Variants in NXPH1 observed in about 807,000 individuals in gnomAD.
The protein encoded by NXPH1 is neurexophilin-1.
Under a neutral mutation model 23.7 loss-of-function variants are expected in NXPH1, and 5 were observed. That is an observed-to-expected ratio of 0.21 (90% CI 0.11 to 0.44). NXPH1 has a LOEUF of 0.44. Ranked by LOEUF, NXPH1 falls within the 20% of genes least tolerant of loss-of-function variation. NXPH1 has a pLI of 0.99. For missense variants in NXPH1, 324 were observed against 321.6 expected, an observed-to-expected ratio of 1.01 and a Z score of -0.06; for synonymous variants, 144 against 122.2, an observed-to-expected ratio of 1.18 and a Z score of -1.18.
chr7:8,578,060 G>A (rs1278999858), intron 2 of NXPH1, among the ~76,000 whole-genome samples: 3 of 152,118 alleles, frequency 2.0e-5, no homozygotes, highest in South Asian at 4.1e-4. Flanking sequence ...CCATCAAAAC[G>A]TTGAAAGATA....
intron 2 of NXPH1, among the ~76,000 whole-genome samples, chr7:8,614,489 C>T (rs958067801): frequency 2.2e-4 from 34 of 151,642 alleles, no homozygotes; most frequent in African/African-American, 8.0e-4. Flanking sequence ...ATGCATATGT[C>T]TATAGATATG....
At chr7:8,698,561 G>A (rs1214327526) in intron 2 of NXPH1, among the ~76,000 whole-genome samples, 2 of 152,024 alleles carry the variant, frequency 1.3e-5, no homozygotes, top group Non-Finnish European at 2.9e-5. Flanking sequence ...TAGCATAGTA[G>A]TATCTACGCA....
intron 2 of NXPH1, among the ~76,000 whole-genome samples, chr7:8,605,352 G>A (rs763919750): frequency 1.2e-4 from 19 of 152,132 alleles, no homozygotes; most frequent in Non-Finnish European, 2.4e-4. Context: ...ATGCAATAAT[G>A]TGAAAAGGCT....
chr7:8,745,570 C>A (rs1780453652), intron 2 of NXPH1, among the ~76,000 whole-genome samples: 1 of 151,854 alleles, frequency 6.6e-6, no homozygotes, highest in Non-Finnish European at 1.5e-5. Context: ...ACTGTCTGCC[C>A]CGAAACAGAG....
intron 2 of NXPH1, among the ~76,000 whole-genome samples, chr7:8,656,768 C>G (rs1249669254): frequency 6.6e-6 from 1 of 151,622 alleles, no homozygotes; most frequent in African/African-American, 2.4e-5. Flanking sequence ...TGTTCAATTC[C>G]CACCTATGAG....
At chr7:8,682,882 G>A (rs1049452920) in intron 2 of NXPH1, among the ~76,000 whole-genome samples, 2 of 152,234 alleles carry the variant, frequency 1.3e-5, no homozygotes, top group Admixed American at 6.5e-5. Context: ...ATCAAGAGAA[G>A]ATGAATTTAC....
intron 2 of NXPH1, among the ~76,000 whole-genome samples, chr7:8,688,565 C>T (rs1043777996): frequency 1.3e-5 from 2 of 152,174 alleles, no homozygotes; most frequent in African/African-American, 4.8e-5. Flanking sequence ...GGTCATTGAT[C>T]TGTTGCATGA....
chr7:8,532,218 A>G (rs1021228011), intron 2 of NXPH1, among the ~76,000 whole-genome samples: 1 of 152,142 alleles, frequency 6.6e-6, no homozygotes, highest in African/African-American at 2.4e-5. Context: ...AAAACCATTT[A>G]ATTCAATCTG....
intron 2 of NXPH1, among the ~76,000 whole-genome samples, chr7:8,645,129 A>G (rs1171740151): frequency 1.3e-5 from 2 of 152,174 alleles, no homozygotes; most frequent in Non-Finnish European, 2.9e-5. Flanking sequence ...CAATACTACT[A>G]TGATTCTTTT....
At chr7:8,544,057 C>T (rs546384683) in intron 2 of NXPH1, among the ~76,000 whole-genome samples, 1 of 151,722 alleles carries the variant, frequency 6.6e-6, no homozygotes, top group African/African-American at 2.4e-5. Context: ...TCCAGGCTCC[C>T]AAGCCTAGTG....
At chr7:8,487,132 T>G (rs1234223183) in intron 2 of NXPH1, among the ~76,000 whole-genome samples, 1 of 152,186 alleles carries the variant, frequency 6.6e-6, no homozygotes, top group Non-Finnish European at 1.5e-5. Context: ...TCATATATTC[T>G]ATAAATAGTA....
intron 2 of NXPH1, among the ~76,000 whole-genome samples, chr7:8,503,365 C>T (rs1817468916): frequency 6.6e-6 from 1 of 151,856 alleles, no homozygotes; most frequent in Non-Finnish European, 1.5e-5. Flanking sequence ...TGAATTCCTC[C>T]CCTGTGCGGC....
chr7:8,643,583 C>A (rs980441198), intron 2 of NXPH1, among the ~76,000 whole-genome samples: 2 of 151,818 alleles, frequency 1.3e-5, no homozygotes, highest in Non-Finnish European at 2.9e-5. Flanking sequence ...TTTTTATTAG[C>A]CTAATACATG....
chr7:8,677,830 TATAAA>T, intron 2 of NXPH1, among the ~76,000 whole-genome samples: 2 of 60,226 alleles, frequency 3.3e-5, no homozygotes, highest in East Asian at 0.045. Context: ...ATTTGAAACT[TATAAA>T]ATGACTTAAT....
intron 2 of NXPH1, among the ~76,000 whole-genome samples, chr7:8,564,314 A>T (rs905299952): frequency 1.1e-4 from 16 of 151,960 alleles, no homozygotes; most frequent in Admixed American, 1.0e-3. Flanking sequence ...AATTAATTTC[A>T]TGCCTAATCT....
chr7:8,464,807 A>G (rs1218430480), intron 2 of NXPH1, among the ~76,000 whole-genome samples: 1 of 151,838 alleles, frequency 6.6e-6, no homozygotes, highest in Admixed American at 6.6e-5. Flanking sequence ...GAAATGTTTT[A>G]CTCTCCTAAG....
intron 2 of NXPH1, among the ~76,000 whole-genome samples, chr7:8,486,584 A>G (rs1008514): frequency 0.57 from 86,517 of 152,048 alleles, 27,803 homozygotes; most frequent in African/African-American, 0.87. Context: ...CTGTAAGACA[A>G]GGATCATAAA....
intron 2 of NXPH1, among the ~76,000 whole-genome samples, chr7:8,723,300 T>G (rs967274079): frequency 6.6e-6 from 1 of 152,196 alleles, no homozygotes; most frequent in South Asian, 2.1e-4. Context: ...CTGCTTCAAT[T>G]CTATCAGTAT....
At chr7:8,453,470 G>A (rs189108073) in intron 2 of NXPH1, among the ~76,000 whole-genome samples, 4 of 152,060 alleles carry the variant, frequency 2.6e-5, no homozygotes, top group African/African-American at 9.7e-5. Context: ...TTGCAGTGGG[G>A]TTGTTTTATA....
Sources: allele counts gnomAD v4.1 joint callset (sites outside exome capture counted in the v4.1 genomes callset), GRCh38; gene constraint gnomAD v4.1.1; transcripts MANE v1.5; gene names NCBI Gene and HGNC (gene_info 2026-07-23, HGNC 2026-07-21).